The following MAST4 variants were observed in gnomAD, a reference collection of about 807,000 sequenced individuals.
MAST4 encodes microtubule-associated serine/threonine-protein kinase 4.
MAST4 carries 89 observed loss-of-function variants against 162.7 expected under a neutral mutation model. The ratio of observed to expected loss-of-function variants is 0.55; its 90% CI spans 0.46 to 0.65. The LOEUF (loss-of-function observed/expected upper bound fraction) is 0.65. Ranked by LOEUF, MAST4 falls within the 30% of genes least tolerant of loss-of-function variation. The pLI is 0.00. For synonymous variants in MAST4, 1,479 were observed against 1,361.1 expected, an observed-to-expected ratio of 1.09 and a Z score of -1.91; for missense variants, 3,153 against 3,374.0, an observed-to-expected ratio of 0.93 and a Z score of 1.62.
At chr5:67,000,543 C>T (rs111765903) in intron 4 of MAST4, among the ~76,000 whole-genome samples, 2,155 of 152,072 alleles carry the variant, frequency 0.014, 57 homozygotes, top group African/African-American at 0.05. Flanking sequence ...GTCAGGAGTT[C>T]GAGACCAGCC....
chr5:66,971,769 G>A (rs1399693431), intron 4 of MAST4, among the ~76,000 whole-genome samples: 1 of 151,952 alleles, frequency 6.6e-6, no homozygotes, highest in Non-Finnish European at 1.5e-5. Flanking sequence ...TGTGTGTTGG[G>A]GAAAGTTATA....
At chr5:66,810,989 G>C (rs1003199036) in intron 3 of MAST4, among the ~76,000 whole-genome samples, 1 of 152,118 alleles carries the variant, frequency 6.6e-6, no homozygotes, top group Non-Finnish European at 1.5e-5. Flanking sequence ...TTCTAAGTGG[G>C]GACTGTTTGC....
At chr5:66,692,984 ATTT>A (rs10711722) in intron 1 of MAST4, among the ~76,000 whole-genome samples, 46 of 133,108 alleles carry the variant, frequency 3.5e-4, no homozygotes, top group Admixed American at 4.5e-4. Context: ...TAAAGTTTGT[ATTT>A]TTTTTTTTTT....
intron 13 of MAST4, 94 bp from the exon 14 acceptor site, chr5:67,120,923 A>G (rs1767498533): frequency 4.4e-6 from 4 of 900,062 alleles, no homozygotes; most frequent in East Asian, 5.4e-5. Flanking sequence ...AACATATTAC[A>G]TAACAGCATG....
intron 5 of MAST4, among the ~76,000 whole-genome samples, chr5:67,060,288 G>T (rs1164921317): frequency 1.3e-5 from 2 of 152,088 alleles, no homozygotes; most frequent in Non-Finnish European, 1.5e-5. Flanking sequence ...AAATTGGACG[G>T]TGGTAAAGGC....
intron 5 of MAST4, among the ~76,000 whole-genome samples, chr5:67,082,142 GT>G (rs1762729667): frequency 6.9e-6 from 1 of 144,930 alleles, no homozygotes; most frequent in Non-Finnish European, 1.5e-5. Context: ...ACAACTACCT[GT>G]AATCTTTTTT....
chr5:66,756,117 G>A (rs1270327017), intron 1 of MAST4, among the ~76,000 whole-genome samples: 1 of 152,124 alleles, frequency 6.6e-6, no homozygotes. Context: ...TAGCAAGAGC[G>A]GGTGTACATC....
chr5:66,922,527 A>G (rs1383603661), intron 4 of MAST4, among the ~76,000 whole-genome samples: 2 of 152,136 alleles, frequency 1.3e-5, no homozygotes, highest in Non-Finnish European at 2.9e-5. Context: ...TTAAATGTCA[A>G]CCTCTTCTCC....
intron 3 of MAST4, among the ~76,000 whole-genome samples, chr5:66,820,246 G>T (rs972992203): frequency 6.6e-6 from 1 of 152,052 alleles, no homozygotes; most frequent in Non-Finnish European, 1.5e-5. Context: ...TTTATCTCTA[G>T]GTATATCTTT....
At chr5:67,093,488 A>G in intron 6 of MAST4, 3 of 306,416 alleles carry the variant, frequency 9.8e-6, no homozygotes, top group South Asian at 9.2e-5. Context: ...ATGAAAATGC[A>G]GTGGTCCTTT....
At chr5:66,687,516 G>A (rs1472094427) in intron 1 of MAST4, among the ~76,000 whole-genome samples, 1 of 148,116 alleles carries the variant, frequency 6.8e-6, no homozygotes, top group African/African-American at 2.6e-5. Context: ...ATACATAGAT[G>A]TGTGTGTACA....
chr5:66,684,463 G>A (rs1416061670), intron 1 of MAST4, among the ~76,000 whole-genome samples: 1 of 152,162 alleles, frequency 6.6e-6, no homozygotes, highest in African/African-American at 2.4e-5. Context: ...GCGACAGTAG[G>A]TTCAATTAAA....
chr5:66,699,768 G>T (rs1266100441), intron 1 of MAST4, among the ~76,000 whole-genome samples: 1 of 152,070 alleles, frequency 6.6e-6, no homozygotes, highest in African/African-American at 2.4e-5. Context: ...TGGTGGGGCG[G>T]GGGGGAAGGG....
At chr5:66,887,147 G>A (rs1000037218) in intron 3 of MAST4, among the ~76,000 whole-genome samples, 5 of 152,114 alleles carry the variant, frequency 3.3e-5, no homozygotes, top group Non-Finnish European at 5.9e-5. Flanking sequence ...ATTAAGCTTG[G>A]ACTCTCTTTG....
At chr5:67,028,212 A>G (rs933527528) in intron 4 of MAST4, among the ~76,000 whole-genome samples, 1 of 152,190 alleles carries the variant, frequency 6.6e-6, no homozygotes, top group African/African-American at 2.4e-5. Context: ...AACAACCTTG[A>G]TGGGTGAGAG....
At chr5:66,876,627 C>A (rs1204415221) in intron 3 of MAST4, among the ~76,000 whole-genome samples, 5 of 152,190 alleles carry the variant, frequency 3.3e-5, no homozygotes, top group African/African-American at 1.2e-4. Flanking sequence ...GTTGAAGCCA[C>A]TCCGTAGAGT....
intron 4 of MAST4, among the ~76,000 whole-genome samples, chr5:67,030,168 G>A (rs1362413034): frequency 6.6e-6 from 1 of 151,988 alleles, no homozygotes; most frequent in Non-Finnish European, 1.5e-5. Context: ...ATACATATGG[G>A]TCATTCACAT....
chr5:67,081,253 G>A (rs1762622612), intron 5 of MAST4, among the ~76,000 whole-genome samples: 1 of 150,880 alleles, frequency 6.6e-6, no homozygotes, highest in African/African-American at 2.4e-5. Flanking sequence ...TAGGATTTGG[G>A]GTGGGGGAGG....
intron 3 of MAST4, among the ~76,000 whole-genome samples, chr5:66,789,943 A>G (rs1485508183): frequency 1.1e-5 from 1 of 91,854 alleles, no homozygotes; most frequent in African/African-American, 4.8e-5. Flanking sequence ...CCACATTTCT[A>G]TTTTTACCCC....
Sources: gnomAD v4.1 joint callset for allele counts (sites outside exome capture counted in the v4.1 genomes callset) on GRCh38, gnomAD v4.1.1 for gene constraint, MANE v1.5 for transcripts, NCBI Gene and HGNC (gene_info 2026-07-23, HGNC 2026-07-21) for gene names.